The following SAMD5 variants were observed in gnomAD, a reference collection of about 807,000 sequenced individuals.
SAMD5 encodes the protein sterile alpha motif domain containing 5, also known as sterile alpha motif domain-containing protein 5.
A neutral mutation model predicts 11.3 loss-of-function variants in SAMD5; 13 were observed. The observed-to-expected ratio is 1.15, with a 90% CI of 0.75 to 1.83. SAMD5 has a LOEUF of 1.83. Among genes scored for constraint, SAMD5 ranks in the 40% most tolerant of loss-of-function variants. The pLI is 0.00. For missense variants in SAMD5, 255 were observed against 239.1 expected (o/e 1.07, Z -0.44); for synonymous variants, 129 against 111.3 (o/e 1.16, Z -1.00).
chr6:147,892,268 T>C, the SAMD5 span, among the ~76,000 whole-genome samples: 1 of 152,350 alleles, frequency 6.6e-6, no homozygotes, highest in African/African-American at 2.4e-5. Context: ...GAGAAAATTC[T>C]TTCACAGCTA....
chr6:147,922,383 T>C, the SAMD5 span, among the ~76,000 whole-genome samples: 1 of 152,324 alleles, frequency 6.6e-6, no homozygotes, highest in South Asian at 2.1e-4. Context: ...ACTAATATTA[T>C]TGTTACACCT....
At chr6:147,539,521 G>A (rs1253111121) in intron 1 of SAMD5, among the ~76,000 whole-genome samples, 1 of 152,168 alleles carries the variant, frequency 6.6e-6, no homozygotes, top group Non-Finnish European at 1.5e-5. Context: ...AAACAGAACA[G>A]TGCCTTTGAT....
intron 1 of SAMD5, among the ~76,000 whole-genome samples, chr6:147,728,441 A>G (rs1188351000): frequency 6.6e-6 from 1 of 152,132 alleles, no homozygotes; most frequent in Non-Finnish European, 1.5e-5. Flanking sequence ...ACAAACAAAC[A>G]AACCAGTTAT....
the SAMD5 span, among the ~76,000 whole-genome samples, chr6:147,794,387 T>A: frequency 6.6e-6 from 1 of 152,162 alleles, no homozygotes; most frequent in Non-Finnish European, 1.5e-5. Context: ...CTCACATAAT[T>A]GTCTACTATA....
At chr6:147,552,152 C>A (rs1025666456) in intron 1 of SAMD5, among the ~76,000 whole-genome samples, 2 of 152,074 alleles carry the variant, frequency 1.3e-5, no homozygotes, top group Non-Finnish European at 2.9e-5. Flanking sequence ...TGTTTAATGT[C>A]TTTGCTGCAG....
the SAMD5 span, among the ~76,000 whole-genome samples, chr6:147,786,073 C>T: frequency 1.3e-4 from 20 of 152,222 alleles, no homozygotes; most frequent in Admixed American, 7.2e-4. Context: ...TCACATTTTC[C>T]GTTTACTCTG....
the SAMD5 span, among the ~76,000 whole-genome samples, chr6:147,855,139 C>CT: frequency 2.0e-5 from 3 of 152,008 alleles, no homozygotes; most frequent in East Asian, 5.8e-4. Context: ...TTATTTATTG[C>CT]TGAATGACTA....
chr6:147,855,971 T>A, the SAMD5 span, among the ~76,000 whole-genome samples: 2 of 152,200 alleles, frequency 1.3e-5, no homozygotes, highest in Admixed American at 1.3e-4. Context: ...CAAAAACTTG[T>A]GCATGAATGT....
chr6:147,546,958 G>T (rs578239856), intron 1 of SAMD5, among the ~76,000 whole-genome samples: 2 of 152,236 alleles, frequency 1.3e-5, no homozygotes, highest in South Asian at 2.1e-4. Context: ...TAGAGTAGTT[G>T]ATGGCCTCAC....
chr6:147,736,238 A>C (rs979063248), intron 1 of SAMD5, among the ~76,000 whole-genome samples: 1 of 152,222 alleles, frequency 6.6e-6, no homozygotes, highest in Admixed American at 6.5e-5. Context: ...GCGAGTTGAT[A>C]ATGTAAGGTA....
chr6:147,901,585 A>G, the SAMD5 span, among the ~76,000 whole-genome samples: 63 of 151,424 alleles, frequency 4.2e-4, no homozygotes, highest in African/African-American at 1.4e-3. Flanking sequence ...GGCCATTTCT[A>G]TTATACTCAG....
chr6:147,700,668 C>A (rs924454710), intron 1 of SAMD5, among the ~76,000 whole-genome samples: 1 of 152,238 alleles, frequency 6.6e-6, no homozygotes, highest in Non-Finnish European at 1.5e-5. Context: ...CTGGAAGTAA[C>A]AGCAAGTCTA....
At chr6:147,942,216 G>A in the SAMD5 span, among the ~76,000 whole-genome samples, 3 of 152,092 alleles carry the variant, frequency 2.0e-5, no homozygotes, top group African/African-American at 7.2e-5. Flanking sequence ...CTAATAGATG[G>A]TATTGAATTC....
the SAMD5 span, among the ~76,000 whole-genome samples, chr6:147,842,886 A>C: frequency 1.3e-5 from 2 of 152,136 alleles, no homozygotes; most frequent in Non-Finnish European, 2.9e-5. Flanking sequence ...TTTTTTTAGA[A>C]GGAGTCTCTG....
the SAMD5 span, among the ~76,000 whole-genome samples, chr6:147,747,733 A>T: frequency 2.3e-4 from 35 of 151,942 alleles, no homozygotes; most frequent in African/African-American, 7.7e-4. Context: ...AGGCCGATAA[A>T]CCTGTTTTAT....
intron 1 of SAMD5, among the ~76,000 whole-genome samples, chr6:147,580,666 C>T (rs1789284443): frequency 6.6e-6 from 1 of 152,124 alleles, no homozygotes; most frequent in Non-Finnish European, 1.5e-5. Context: ...TCATGTATGG[C>T]CAGTGGTAGC....
chr6:147,549,117 T>C (rs1182175588), intron 1 of SAMD5, among the ~76,000 whole-genome samples: 1 of 152,194 alleles, frequency 6.6e-6, no homozygotes, highest in Non-Finnish European at 1.5e-5. Flanking sequence ...AAAATAAAAC[T>C]TCATTGTTGA....
chr6:147,769,085 C>T, the SAMD5 span, among the ~76,000 whole-genome samples: 4 of 152,210 alleles, frequency 2.6e-5, no homozygotes, highest in East Asian at 1.9e-4. Context: ...TGAGCCACCA[C>T]GCCTGCTGCC....
chr6:147,541,522 T>C (rs1235333879), intron 1 of SAMD5, among the ~76,000 whole-genome samples: 2 of 152,120 alleles, frequency 1.3e-5, no homozygotes, highest in Non-Finnish European at 2.9e-5. Flanking sequence ...TAATTCACAA[T>C]GGGGTCTCTG....
Sources: allele counts gnomAD v4.1 joint callset (sites outside exome capture counted in the v4.1 genomes callset), GRCh38; gene constraint gnomAD v4.1.1; transcripts MANE v1.5; gene names NCBI Gene and HGNC (gene_info 2026-07-23, HGNC 2026-07-21).